LRP1B: variants seen among roughly 807,000 people sequenced by gnomAD.
LRP1B encodes low-density lipoprotein receptor-related protein 1B.
A neutral mutation model predicts 556.6 loss-of-function variants in LRP1B; 217 were observed. The ratio of observed to expected loss-of-function variants is 0.39; its 90% CI spans 0.35 to 0.44. The LOEUF (loss-of-function observed/expected upper bound fraction) is 0.44, where lower values mean the gene tolerates loss of function less well. Ranked by LOEUF, LRP1B falls within the 20% of genes least tolerant of loss-of-function variation. The pLI is 1.00. For synonymous variants in LRP1B, 2,047 were observed against 1,865.8 expected, an observed-to-expected ratio of 1.10 and a Z score of -2.50; for missense variants, 5,053 against 5,620.8, an observed-to-expected ratio of 0.90 and a Z score of 3.23.
intron 2 of LRP1B, among the ~76,000 whole-genome samples, chr2:141,660,415 C>T (rs1475901926): frequency 3.3e-5 from 5 of 151,792 alleles, no homozygotes; most frequent in African/African-American, 4.8e-5. Flanking sequence ...GGAGACTGCA[C>T]AAGACTACTG....
intron 75 of LRP1B, 120 bp from the exon 76 acceptor site, chr2:140,353,192 A>G: frequency 3.2e-6 from 3 of 948,250 alleles, no homozygotes; most frequent in Non-Finnish European, 4.8e-6. Context: ...GTCCTTTCAC[A>G]TCTTTAATCT....
chr2:141,166,824 A>C (rs1316901288), intron 7 of LRP1B, among the ~76,000 whole-genome samples: 1 of 151,710 alleles, frequency 6.6e-6, no homozygotes, highest in African/African-American at 2.4e-5. Flanking sequence ...AATAATTTGT[A>C]TAAGATGTCT....
chr2:140,696,971 T>C (rs571298876), intron 41 of LRP1B, among the ~76,000 whole-genome samples: 2 of 152,320 alleles, frequency 1.3e-5, no homozygotes, highest in South Asian at 4.1e-4. Context: ...CACTTTCTCA[T>C]AAAATTTTCA....
At chr2:140,898,946 C>A in intron 23 of LRP1B, 1 of 377,782 alleles carries the variant, frequency 2.6e-6, no homozygotes, top group Admixed American at 3.4e-5. Flanking sequence ...TCTGGCTGTC[C>A]TTGCCTTAAA....
chr2:140,562,726 T>C (rs1312553267), intron 43 of LRP1B, among the ~76,000 whole-genome samples: 1 of 152,150 alleles, frequency 6.6e-6, no homozygotes, highest in African/African-American at 2.4e-5. Flanking sequence ...GTTCAAGTGA[T>C]TCTCCTGCCT....
chr2:141,856,480 A>G (rs1171517465), intron 1 of LRP1B, among the ~76,000 whole-genome samples: 1 of 152,110 alleles, frequency 6.6e-6, no homozygotes, highest in African/African-American at 2.4e-5. Flanking sequence ...GCAACCATCA[A>G]AGGGTTTGAA....
At position 141,702,819 on chromosome 2, in the gene LRP1B, A is replaced by C. The variant is rs1691989852; in HGVS notation, c.205+107460T>G. On this transcript the variant is annotated intron_variant, in intron 2 of 90. Coordinates refer to ENST00000389484, the MANE Select transcript of LRP1B (RefSeq NM_018557.3). ...GTGGGACTATAAACGGAGTGATGTAAGGTTGAAAGTAAACTACTTGAGCTT... is the reference window on the plus strand; with the variant it reads ...GTGGGACTATAAACGGAGTGATGTACGGTTGAAAGTAAACTACTTGAGCTT... Among the ~76,000 whole-genome samples the C allele has an allele frequency of 2.0e-5, 3 of 151,854 alleles. No individual in the cohort carries two copies. The South Asian group carries it at 6.2e-4, about 31-fold the overall frequency.
chr2:142,011,439 C>T (rs35620752), intron 1 of LRP1B, among the ~76,000 whole-genome samples: 49,820 of 151,904 alleles, frequency 0.33, 8,936 homozygotes, highest in Admixed American at 0.45. Context: ...GTAGTAACCC[C>T]TTTTCTTCTG....
intron 19 of LRP1B, 34 bp from the exon 20 acceptor site, chr2:140,950,436 C>G (rs376684269): frequency 5.8e-5 from 90 of 1,538,906 alleles, no homozygotes; most frequent in Non-Finnish European, 7.1e-5. Context: ...GCAGTGAAAT[C>G]TGAACCATGA....
In LRP1B at chr2:141,599,069, C is replaced by CGA. The variant is rs1687639916; in HGVS notation, c.206-118537_206-118536insTC. 6.8e-4 allele frequency among the ~76,000 whole-genome samples: 66 copies of CGA among 96,546 alleles called. 1 individual carries two copies. Among genetic ancestry groups the CGA allele is most frequent in the African/African-American group, 2.9e-3 (63 of 21,670 alleles). 63.3% of individuals were successfully genotyped at this position (96,546 alleles called of 152,430 possible). A position where few individuals can be genotyped will look rare whatever the true frequency, so the allele number is the denominator to read the frequency against. On this transcript the variant is annotated intron_variant, in intron 2 of 90. Transcript: ENST00000389484. Reference sequence around the variant, plus strand: ...CTCCCCCCCGCCCCCCCCCCCCCCCCCCCCCGCTTTAACTCTCCTGTCAAG... The same window carrying CGA: ...CTCCCCCCCGCCCCCCCCCCCCCCCCGACCCCCGCTTTAACTCTCCTGTCAAG...
chr2:140,836,298 G>T (rs2105086809), intron 31 of LRP1B, among the ~76,000 whole-genome samples: 1 of 152,178 alleles, frequency 6.6e-6, no homozygotes, highest in East Asian at 1.9e-4. Context: ...CCTTAGAAAA[G>T]GTAAGAGATT....
chr2:141,857,077 C>A (rs1253108568), intron 1 of LRP1B, among the ~76,000 whole-genome samples: 1 of 152,124 alleles, frequency 6.6e-6, no homozygotes, highest in Non-Finnish European at 1.5e-5. Flanking sequence ...ATCACTACCA[C>A]AGGGCCTGTT....
intron 3 of LRP1B, among the ~76,000 whole-genome samples, chr2:141,370,697 G>A (rs1224390581): frequency 6.6e-6 from 1 of 152,048 alleles, no homozygotes; most frequent in Non-Finnish European, 1.5e-5. Flanking sequence ...TGCTTTTGAA[G>A]TCTTATTCGT....
At chr2:140,379,060 G>T (rs897799360) in intron 67 of LRP1B, among the ~76,000 whole-genome samples, 1 of 152,116 alleles carries the variant, frequency 6.6e-6, no homozygotes. Context: ...TCAGAAATTC[G>T]TTCATGCAAG....
At chr2:140,938,159 CAATAA>C (rs565891315) in intron 20 of LRP1B, among the ~76,000 whole-genome samples, 407 of 151,992 alleles carry the variant, frequency 2.7e-3, no homozygotes, top group Non-Finnish European at 4.3e-3. Flanking sequence ...CTCATCTACA[CAATAA>C]AATAACTGAA....
At chr2:140,442,377 C>G (rs750262994) in intron 66 of LRP1B, 127 bp downstream of exon 66, 3 of 1,231,642 alleles carry the variant, frequency 2.4e-6, no homozygotes, top group Non-Finnish European at 3.3e-6. Flanking sequence ...TCTGTGAACA[C>G]AGAGACAAAA....
intron 3 of LRP1B, among the ~76,000 whole-genome samples, chr2:141,269,987 G>T (rs73962894): frequency 0.012 from 1,883 of 152,064 alleles, 35 homozygotes; most frequent in African/African-American, 0.044. Flanking sequence ...GTGTAAGTGG[G>T]ACATGATCAG....
intron 1 of LRP1B, among the ~76,000 whole-genome samples, chr2:141,812,389 T>C (rs1371121218): frequency 6.6e-6 from 1 of 152,130 alleles, no homozygotes; most frequent in Non-Finnish European, 1.5e-5. Context: ...AAAGTCAGAA[T>C]GGATGTTCAT....
intron 3 of LRP1B, among the ~76,000 whole-genome samples, chr2:141,345,590 A>G (rs1688221981): frequency 6.6e-6 from 1 of 151,974 alleles, no homozygotes; most frequent in Non-Finnish European, 1.5e-5. Context: ...CCTAGGCTCA[A>G]GGGATCCTTC....
Sources: gnomAD v4.1 joint callset for allele counts (sites outside exome capture counted in the v4.1 genomes callset) on GRCh38, gnomAD v4.1.1 for gene constraint, MANE v1.5 for transcripts, NCBI Gene and HGNC (gene_info 2026-07-23, HGNC 2026-07-21) for gene names.